The following PDE5A variants were observed in gnomAD, a reference collection of about 807,000 sequenced individuals.
PDE5A encodes the protein phosphodiesterase 5A.
PDE5A carries 67 observed loss-of-function variants against 110.2 expected under a neutral mutation model. The ratio of observed to expected loss-of-function variants is 0.61; its 90% CI spans 0.50 to 0.75. PDE5A has a LOEUF of 0.75. Among genes scored for constraint, PDE5A ranks in the 30% least tolerant of loss-of-function variants. The pLI, the probability that PDE5A is intolerant of heterozygous loss-of-function variation, is 0.00. For missense variants in PDE5A, 862 were observed against 1,045.1 expected, an observed-to-expected ratio of 0.82 and a Z score of 2.42; for synonymous variants, 328 against 351.2, an observed-to-expected ratio of 0.93 and a Z score of 0.74.
Position 119,498,543 on chromosome 4 carries a change from A to T in PDE5A, c.*58T>A. The T allele has an allele frequency of 6.3e-7, 1 of 1,588,796 alleles. No individual in the cohort carries two copies. Among genetic ancestry groups the T allele is most frequent in the Non-Finnish European group, 8.6e-7 (1 of 1,158,756 alleles). On this transcript the variant is annotated 3_prime_UTR_variant, in exon 21 of 21. Transcript: ENST00000354960. ...CTATACAGACAGTGTGTAAGAAACT[A>T]GGCATATTGCAGAACACACCATCTC...
At position 119,606,817 on chromosome 4, in the gene PDE5A, T is replaced by C; in HGVS notation, c.633A>G (p.Ser211=). ...AGTTATTTGAAACTTCTTCCAGTGT[T>C]GAACCTTCAGCAACATCAAAGAGGC... ...ISRLFDVAEG[S]TLEEVSNNCI... Residue 211 remains serine, a synonymous_variant, in exon 2 of 21, where the codon TCA becomes TCG. Coordinates refer to ENST00000354960, the MANE Select transcript of PDE5A (RefSeq NM_001083.4). 6.2e-7 allele frequency: 1 copy of C among 1,614,168 alleles called. No homozygotes were observed.
chr4:119,591,143 G>T (rs1248898750), intron 3 of PDE5A, among the ~76,000 whole-genome samples: 2 of 152,214 alleles, frequency 1.3e-5, no homozygotes, highest in Non-Finnish European at 2.9e-5. Flanking sequence ...ATCCCAGTTA[G>T]CTGAGTACTG....
chr4:119,502,658 G>GAAAT lies in PDE5A; in HGVS notation c.2332-7_2332-4dup. On this transcript the variant is annotated splice_region_variant and splice_polypyrimidine_tract_variant and intron_variant, in intron 18 of 20. Coordinates refer to ENST00000354960, the MANE Select transcript of PDE5A (RefSeq NM_001083.4). ...TCAGTTGCTACAAGTTCTGCTATCTGAAATAAATAACAGACTCAGTTTTGA... is the reference window on the plus strand; with the variant it reads ...TCAGTTGCTACAAGTTCTGCTATCTGAAATAAATAAATAACAGACTCAGTTTTGA... The GAAAT allele has an allele frequency of 6.3e-7, 1 of 1,580,386 alleles. No individual in the cohort carries two copies. Among genetic ancestry groups the GAAAT allele is most frequent in the South Asian group, 1.1e-5 (1 of 89,396 alleles).
At chr4:119,504,675 T>C in intron 17 of PDE5A, 76 bp from the exon 18 acceptor site, 1 of 1,194,702 alleles carries the variant, frequency 8.4e-7, no homozygotes, top group South Asian at 1.4e-5. Flanking sequence ...TAGTTACTAA[T>C]AAAAAAAAGT....
chr4:119,544,686 ATTACTACAC>A (rs1444782951), intron 9 of PDE5A, among the ~76,000 whole-genome samples: 1 of 152,206 alleles, frequency 6.6e-6, no homozygotes, highest in Non-Finnish European at 1.5e-5. Flanking sequence ...CTTCACAAGA[ATTACTACAC>A]GTATAGCAAG....
At chr4:119,606,082 C>T (rs949441078) in intron 2 of PDE5A, among the ~76,000 whole-genome samples, 2 of 152,030 alleles carry the variant, frequency 1.3e-5, no homozygotes, top group African/African-American at 4.8e-5. Context: ...CCTTTAAGCC[C>T]TTAATTAAAG....
At chr4:119,507,894 C>T (rs1725608981) in intron 15 of PDE5A, among the ~76,000 whole-genome samples, 190 bp from the exon 16 acceptor site, 2 of 151,850 alleles carry the variant, frequency 1.3e-5, no homozygotes, top group African/African-American at 4.8e-5. Context: ...ACATGTAAAC[C>T]GCTTCATAAT....
chr4:119,628,412 C>T, intron 1 of PDE5A, 108 bp downstream of exon 1: 1 of 872,458 alleles, frequency 1.1e-6, no homozygotes, highest in Non-Finnish European at 1.8e-6. Flanking sequence ...GTAACAGGAC[C>T]GAGGACCTAC....
chr4:119,559,413 T>C (rs1319222988), intron 7 of PDE5A, among the ~76,000 whole-genome samples: 2 of 152,194 alleles, frequency 1.3e-5, no homozygotes, highest in African/African-American at 4.8e-5. Flanking sequence ...TTTGGACTTT[T>C]AATATGATTA....
At position 119,562,961 on chromosome 4, in the gene PDE5A, C is replaced by A; in HGVS notation, c.1003G>T (p.Asp335Tyr). The change falls in exon 6 of 21, where the codon GAC becomes TAC. Residue 335 changes from aspartate (D) to tyrosine (Y), a missense_variant. Transcript: ENST00000354960. ...TCTTCAAAAATTAAACTAGCAAGGT[C>A]AAGCAGCACCTAGACAAAAAAATTA... Reference protein sequence around the residue: ...LENKRNQVLLDLASLIFEEQQ... With the variant: ...LENKRNQVLLYLASLIFEEQQ... 1 of 1,578,012 alleles carries A rather than the reference C, an allele frequency of 6.3e-7. No homozygotes were observed. Among genetic ancestry groups the A allele is most frequent in the South Asian group, 1.2e-5 (1 of 84,398 alleles).
intron 1 of PDE5A, among the ~76,000 whole-genome samples, chr4:119,623,233 C>T (rs1250998547): frequency 6.6e-6 from 1 of 152,146 alleles, no homozygotes; most frequent in East Asian, 1.9e-4. Flanking sequence ...GTAATAGTGG[C>T]CAACTGAATC....
At position 119,596,549 on chromosome 4, in the gene PDE5A, T is replaced by A; in HGVS notation, c.805A>T (p.Met269Leu). ...TGYKTQSILC[M>L]PIKNHREEVV... ...TCTTCCCTATGATTCTTAATTGGCA[T>A]ACAAAGAATGCTTTGTGTCTTGTAG... Residue 269 changes from methionine to leucine, a missense_variant, in exon 3 of 21, where the codon ATG (methionine) becomes TTG (leucine). By Grantham distance (15) the Met-to-Leu change is conservative. Transcript: ENST00000354960. 1 of 1,595,460 alleles carries A rather than the reference T, an allele frequency of 6.3e-7. No individual in the cohort carries two copies. Among genetic ancestry groups the A allele is most frequent in the Non-Finnish European group, 8.6e-7 (1 of 1,169,482 alleles).
At chr4:119,587,488 A>G (rs1728804587) in intron 3 of PDE5A, among the ~76,000 whole-genome samples, 1 of 151,306 alleles carries the variant, frequency 6.6e-6, no homozygotes, top group Admixed American at 6.6e-5. Flanking sequence ...GGTTCACGCC[A>G]TTCTCCTGCC....
intron 14 of PDE5A, 79 bp from the exon 15 acceptor site, chr4:119,511,213 TTAAC>T: frequency 1.2e-6 from 1 of 836,772 alleles, no homozygotes; most frequent in Non-Finnish European, 2.0e-6. Context: ...TTATTACTGT[TTAAC>T]TACAAAAGAG....
At chr4:119,542,012 T>A (rs544328327) in intron 10 of PDE5A, 1 of 152,916 alleles carries the variant, frequency 6.5e-6, no homozygotes, top group Non-Finnish European at 1.5e-5. Flanking sequence ...TTTTATTTTT[T>A]CTTTTCCTCA....
rs562446609 is a variant in PDE5A at position 119,514,317 on chromosome 4, A to G, written c.2001-3183T>C. On this transcript the variant is annotated intron_variant, in intron 14 of 20. Transcript: ENST00000354960. ...ACTATATTGCCACCCCAGTCTTCCTATGTCACCAAGAACAAACAACATCCT... is the reference window on the plus strand; with the variant it reads ...ACTATATTGCCACCCCAGTCTTCCTGTGTCACCAAGAACAAACAACATCCT... Among the ~76,000 whole-genome samples, 3 of 152,250 alleles carry G rather than the reference A, an allele frequency of 2.0e-5. No individual in the cohort carries two copies. In the South Asian group the frequency reaches 6.2e-4, roughly 32 times the overall value.
At chr4:119,534,036 A>G (rs3822193) in intron 11 of PDE5A, among the ~76,000 whole-genome samples, 15,171 of 152,172 alleles carry the variant, frequency 0.1, 1,013 homozygotes, top group East Asian at 0.28. Context: ...AAAACAGACA[A>G]GATTAGCTTG....
intron 3 of PDE5A, among the ~76,000 whole-genome samples, chr4:119,572,240 T>C (rs1376878288): frequency 2.0e-5 from 3 of 152,328 alleles, no homozygotes; most frequent in Admixed American, 2.0e-4. Flanking sequence ...TCTAAGTACT[T>C]GATTTATATT....
At chr4:119,593,340 C>A (rs1400020846) in intron 3 of PDE5A, among the ~76,000 whole-genome samples, 1 of 152,136 alleles carries the variant, frequency 6.6e-6, no homozygotes, top group Non-Finnish European at 1.5e-5. Context: ...TGTTTATCAA[C>A]TGATGAATGC....
Sources: gnomAD v4.1 joint callset for allele counts (sites outside exome capture counted in the v4.1 genomes callset) on GRCh38, gnomAD v4.1.1 for gene constraint, MANE v1.5 for transcripts, NCBI Gene and HGNC (gene_info 2026-07-23, HGNC 2026-07-21) for gene names.